IL1RAPL1: variants seen among roughly 807,000 people sequenced by gnomAD.
The protein encoded by IL1RAPL1 is interleukin 1 receptor accessory protein like 1, also known as interleukin-1 receptor accessory protein-like 1.
In IL1RAPL1, 3 loss-of-function variants were observed where a neutral mutation model predicts 48.4. The ratio of observed to expected loss-of-function variants is 0.06; its 90% CI spans 0.03 to 0.16. The LOEUF (loss-of-function observed/expected upper bound fraction) is 0.16, where lower values mean the gene tolerates loss of function less well. Ranked by LOEUF, IL1RAPL1 falls within the 10% of genes least tolerant of loss-of-function variation. IL1RAPL1 has a pLI of 1.00. For synonymous variants in IL1RAPL1, 185 were observed against 187.7 expected (o/e 0.99, Z 0.12); for missense variants, 349 against 530.6 (o/e 0.66, Z 3.36).
rs954455125 is a variant in IL1RAPL1, at chrX:29,087,823, C to T, written c.83-195115C>T. ...CAAGGCCAAGGCAGGTGTGCTTGAG[C>T]CCAGGAGTTGAGACCGGCCTGGGCA... On this transcript the variant is annotated intron_variant, in intron 2 of 10. Coordinates refer to ENST00000378993, the MANE Select transcript of IL1RAPL1 (RefSeq NM_014271.4). 6.3e-5 allele frequency among the ~76,000 whole-genome samples: 7 copies of T among 111,948 alleles called. No homozygotes were observed. The East Asian group carries it at 1.7e-3, about 27-fold the overall frequency.
intron 5 of IL1RAPL1, among the ~76,000 whole-genome samples, chrX:29,423,575 T>C (rs747200676): frequency 2.7e-5 from 3 of 112,149 alleles, no homozygotes; most frequent in Non-Finnish European, 5.6e-5. Context: ...ATGGTAAAAT[T>C]ATAACTTAAA....
chrX:29,538,573 G>A (rs2147781921), intron 5 of IL1RAPL1, among the ~76,000 whole-genome samples: 1 of 108,001 alleles, frequency 9.3e-6, no homozygotes, highest in South Asian at 4.1e-4. Flanking sequence ...CCTGACCTCA[G>A]GTGATACACC....
At position 29,527,326 on chromosome X, in the gene IL1RAPL1, CTTTTTTTTTTTTTTT is replaced by C. The variant is rs61003668; in HGVS notation, c.703+128034_703+128048del. Reference sequence around the variant, plus strand: ...TAGGACTTGCATGTAGGGAAGGACTCTTTTTTTTTTTTTTTTTTTTTTTTTTTTTTGAGACGGAGT... The same window carrying C: ...TAGGACTTGCATGTAGGGAAGGACTCTTTTTTTTTTTTTTTGAGACGGAGT... On this transcript the variant is annotated intron_variant, in intron 5 of 10. Coordinates refer to ENST00000378993, the MANE Select transcript of IL1RAPL1 (RefSeq NM_014271.4). 2.6e-3 allele frequency among the ~76,000 whole-genome samples: 66 copies of C among 25,568 alleles called. 4 individuals are homozygous for C. Among genetic ancestry groups the C allele is most frequent in the African/African-American group, 0.01 (63 of 6,081 alleles). 22.2% of individuals were successfully genotyped at this position (25,568 alleles called of 115,157 possible). A position where few individuals can be genotyped will look rare whatever the true frequency, so the allele number is the denominator to read the frequency against.
chrX:29,741,742 G>A (rs1011883916), intron 6 of IL1RAPL1, among the ~76,000 whole-genome samples: 1 of 107,770 alleles, frequency 9.3e-6, no homozygotes, highest in Non-Finnish European at 1.9e-5. Flanking sequence ...CCAACGTGGC[G>A]AAATCTCGTC....
At chrX:29,005,726 T>G (rs886233404) in intron 2 of IL1RAPL1, among the ~76,000 whole-genome samples, 2 of 111,525 alleles carry the variant, frequency 1.8e-5, no homozygotes, top group Middle Eastern at 4.2e-3. Flanking sequence ...TATGAGAAAG[T>G]CATAATAAAA....
At chrX:29,398,205 C>T (rs993441279) in intron 4 of IL1RAPL1, among the ~76,000 whole-genome samples, 14 of 111,921 alleles carry the variant, frequency 1.3e-4, no homozygotes, top group Admixed American at 7.6e-4. Context: ...AGTCATGCAA[C>T]TAATATGGCA....
chrX:28,867,917 C>G (rs1922117140), intron 2 of IL1RAPL1, among the ~76,000 whole-genome samples: 1 of 111,477 alleles, frequency 9.0e-6, no homozygotes, highest in African/African-American at 3.3e-5. Context: ...ACTCAAGAGA[C>G]ACATTTAGTT....
At chrX:29,834,676 C>G (rs767303692) in intron 6 of IL1RAPL1, among the ~76,000 whole-genome samples, 1 of 110,741 alleles carries the variant, frequency 9.0e-6, no homozygotes, top group East Asian at 2.8e-4. Flanking sequence ...CTTTGAATTA[C>G]AAATACATCA....
intron 1 of IL1RAPL1, among the ~76,000 whole-genome samples, chrX:28,780,119 A>G (rs1328930611): frequency 1.8e-5 from 2 of 111,294 alleles, no homozygotes; most frequent in Admixed American, 1.9e-4. Context: ...ATCTTTACAG[A>G]GATATAAAAT....
intron 5 of IL1RAPL1, among the ~76,000 whole-genome samples, chrX:29,413,524 G>A (rs1397494607): frequency 1.1e-5 from 1 of 89,216 alleles, no homozygotes; most frequent in Non-Finnish European, 2.1e-5. Flanking sequence ...CCCACAACAG[G>A]CCCCGGTGTG....
chrX:29,300,842 T>G (rs1355540821), intron 3 of IL1RAPL1, among the ~76,000 whole-genome samples: 1 of 112,278 alleles, frequency 8.9e-6, no homozygotes, highest in African/African-American at 3.2e-5. Context: ...TCAAACTTGC[T>G]TAATCTCTGA....
intron 5 of IL1RAPL1, among the ~76,000 whole-genome samples, chrX:29,647,240 C>T (rs966089675): frequency 9.2e-6 from 1 of 108,543 alleles, no homozygotes; most frequent in African/African-American, 3.4e-5. Context: ...GTCCCAGCTA[C>T]TTGGGAGGCT....
At chrX:29,178,760 A>G (rs1450236931) in intron 2 of IL1RAPL1, among the ~76,000 whole-genome samples, 1 of 111,842 alleles carries the variant, frequency 8.9e-6, no homozygotes. Flanking sequence ...TCCATCTTGA[A>G]TTAATTTTTG....
chrX:29,915,070 C>T lies in IL1RAPL1; in HGVS notation c.779-2394C>T, dbSNP rs1442730142. Among the ~76,000 whole-genome samples the T allele has an allele frequency of 3.6e-5, 4 of 109,893 alleles. No individual in the cohort carries two copies. In the East Asian group the frequency reaches 1.1e-3, roughly 31 times the overall value. On this transcript the variant is annotated intron_variant, in intron 6 of 10. Transcript: ENST00000378993. Reference sequence around the variant, plus strand: ...TAGCACTTTGGGAGGCCAAGGCGGGCAGATCACGAGGTCAGTAGTTCAAGA... The same window carrying T: ...TAGCACTTTGGGAGGCCAAGGCGGGTAGATCACGAGGTCAGTAGTTCAAGA...
intron 6 of IL1RAPL1, among the ~76,000 whole-genome samples, chrX:29,807,621 CAAAAAAAAAAAAA>C (rs60391165): frequency 3.1e-4 from 8 of 26,030 alleles, no homozygotes; most frequent in Admixed American, 2.7e-3. Context: ...TCTCTCAAGA[CAAAAAAAAAAAAA>C]AAAAAAAAAA....
intron 2 of IL1RAPL1, among the ~76,000 whole-genome samples, chrX:28,972,670 C>T (rs1023455256): frequency 3.6e-5 from 4 of 111,233 alleles, no homozygotes; most frequent in African/African-American, 6.5e-5. Context: ...ACCTAGGAGG[C>T]GGAGCTTGGA....
At chrX:29,482,366 A>G (rs1014616897) in intron 5 of IL1RAPL1, among the ~76,000 whole-genome samples, 1 of 111,824 alleles carries the variant, frequency 8.9e-6, no homozygotes, top group Non-Finnish European at 1.9e-5. Flanking sequence ...ACCTCCCTGT[A>G]TCTTATACAT....
At chrX:29,667,854 A>G (rs776303221) in intron 5 of IL1RAPL1, among the ~76,000 whole-genome samples, 3 of 112,136 alleles carry the variant, frequency 2.7e-5, no homozygotes, top group Non-Finnish European at 5.6e-5. Context: ...ATCATTTAAA[A>G]TATTCCCTTG....
chrX:29,416,669 G>C (rs1934221586), intron 5 of IL1RAPL1, among the ~76,000 whole-genome samples: 1 of 111,965 alleles, frequency 8.9e-6, no homozygotes. Flanking sequence ...CAGGTAATGA[G>C]TTTCATGAGG....
Sources: allele counts gnomAD v4.1 joint callset (sites outside exome capture counted in the v4.1 genomes callset), GRCh38; gene constraint gnomAD v4.1.1; transcripts MANE v1.5; gene names NCBI Gene and HGNC (gene_info 2026-07-23, HGNC 2026-07-21).